MTMR14: variants seen among roughly 807,000 people sequenced by gnomAD.
MTMR14 encodes the protein phosphatidylinositol-3,5-bisphosphate 3-phosphatase MTMR14.
Under a neutral mutation model 86.3 loss-of-function variants are expected in MTMR14, and 48 were observed. The ratio of observed to expected loss-of-function variants is 0.56; its 90% CI spans 0.44 to 0.71. The LOEUF is 0.71. Among genes scored for constraint, MTMR14 ranks in the 30% least tolerant of loss-of-function variants. The pLI, the probability that MTMR14 is intolerant of heterozygous loss-of-function variation, is 0.00. For synonymous variants in MTMR14, 366 were observed against 326.1 expected, an observed-to-expected ratio of 1.12 and a Z score of -1.32; for missense variants, 780 against 834.6, an observed-to-expected ratio of 0.93 and a Z score of 0.81.
chr3:9,688,959 G>A lies in MTMR14; in HGVS notation c.1310G>A (p.Gly437Asp), dbSNP rs377445755. 6.2e-6 allele frequency: 10 copies of A among 1,613,938 alleles called. No individual in the cohort carries two copies. The highest frequency in any genetic ancestry group is 1.7e-5 in the Admixed American group (1 of 59,996). The change falls in exon 16 of 19, where the codon GGC becomes GAC. Residue 437 changes from glycine to aspartate, a missense_variant. Coordinates refer to ENST00000296003, the MANE Select transcript of MTMR14 (RefSeq NM_001077525.3). ...DICMLRRKDR[G>D]STTSLGSDFS... ...CTTCTTTTAGGACGAAAGGACCGTGGCAGCACCACCAGCCTTGGCAGCGAC... is the reference window on the plus strand; with the variant it reads ...CTTCTTTTAGGACGAAAGGACCGTGACAGCACCACCAGCCTTGGCAGCGAC...
intron 17 of MTMR14, among the ~76,000 whole-genome samples, chr3:9,694,502 T>TTGGATGGATGGA (rs60351585): frequency 1.3e-3 from 191 of 151,838 alleles, no homozygotes; most frequent in African/African-American, 3.8e-3. Context: ...GATAGATAGA[T>TTGGATGGATGGA]TGGATGGATG....
chr3:9,684,503 C>A, intron 10 of MTMR14, 82 bp from the exon 11 acceptor site: 1 of 1,401,794 alleles, frequency 7.1e-7, no homozygotes, highest in Non-Finnish European at 1.0e-6. Context: ...CTCCCTCCAC[C>A]AGGCCAAGCT....
intron 2 of MTMR14, among the ~76,000 whole-genome samples, chr3:9,656,351 G>C (rs767295530): frequency 1.3e-5 from 2 of 152,072 alleles, no homozygotes; most frequent in Non-Finnish European, 1.5e-5. Flanking sequence ...AAAGAATTGG[G>C]GTTTGTTATG....
chr3:9,665,098 A>G (rs1162129876), intron 3 of MTMR14, among the ~76,000 whole-genome samples: 2 of 152,134 alleles, frequency 1.3e-5, no homozygotes, highest in African/African-American at 4.8e-5. Flanking sequence ...CCTAGCCAAC[A>G]TAGTGAAACC....
At position 9,677,481 on chromosome 3, in the gene MTMR14, C is replaced by T; in HGVS notation, c.822+94C>T. 1.8e-6 allele frequency: 2 copies of T among 1,140,866 alleles called. No homozygotes were observed. The highest frequency in any genetic ancestry group is 2.7e-6 in the Non-Finnish European group (2 of 752,984). The allele number at this position is 1,140,866 out of a possible 1,614,324, so 70.7% of individuals were successfully genotyped here. A position where few individuals can be genotyped will look rare whatever the true frequency, so the allele number is the denominator to read the frequency against. ...AGCAGTCTTTGGGGAAAACAACAAG[C>T]AGTCTTTGGGGAAAATAACTCCCCT... On this transcript the variant is annotated intron_variant, in intron 8 of 18. Coordinates refer to ENST00000296003, the MANE Select transcript of MTMR14 (RefSeq NM_001077525.3). This position sits in a 1 kb window ranked among gnomAD's most constrained non-coding sequence, Gnocchi z 4.2.
In MTMR14 at chr3:9,675,761, C is replaced by T. The variant is rs1409172967; in HGVS notation, c.752-1556C>T. The T allele has an allele frequency of 2.0e-5, 9 of 454,530 alleles. No homozygotes were observed. The East Asian group carries it at 6.3e-4, about 32-fold the overall frequency. The allele number at this position is 454,530 out of a possible 1,614,324, so 28.2% of individuals were successfully genotyped here. A position where few individuals can be genotyped will look rare whatever the true frequency, so the allele number is the denominator to read the frequency against. On this transcript the variant is annotated intron_variant, in intron 7 of 18. Transcript: ENST00000296003. ...CTTCTGCATCATAGGCGGGTCTGAG[C>T]TCAGCCTGAGGCCTGCAGTGTTGAT...
intron 3 of MTMR14, among the ~76,000 whole-genome samples, chr3:9,664,154 AG>A (rs1574962977): frequency 6.6e-6 from 1 of 151,684 alleles, no homozygotes; most frequent in East Asian, 1.9e-4. Context: ...GTTGCACGGG[AG>A]ATACTCCAAC....
intron 1 of MTMR14, among the ~76,000 whole-genome samples, chr3:9,651,873 C>T (rs927448081): frequency 1.3e-5 from 2 of 151,688 alleles, no homozygotes; most frequent in African/African-American, 4.9e-5. Flanking sequence ...ACTCTGTCGC[C>T]CAGGCTGGAA....
In MTMR14 at chr3:9,688,992, T is replaced by G; in HGVS notation, c.1343T>G (p.Leu448Arg). Residue 448 changes from leucine (L) to arginine (R), a missense_variant, in exon 16 of 19, where the codon CTG becomes CGG. Coordinates refer to ENST00000296003, the MANE Select transcript of MTMR14 (RefSeq NM_001077525.3). ...ACCAGCCTTGGCAGCGACTTCTCCC[T>G]GGTCATGGAGAGTTCCCCAGGAGCC... ...STTSLGSDFSLVMESSPGATG... is the reference protein window; with the variant it reads ...STTSLGSDFSRVMESSPGATG... 1 of 1,614,032 alleles carries G rather than the reference T, an allele frequency of 6.2e-7. No homozygotes were observed. Among genetic ancestry groups the G allele is most frequent in the South Asian group, 1.1e-5 (1 of 91,092 alleles).
chr3:9,671,245 C>T lies in MTMR14; in HGVS notation c.677+75C>T, dbSNP rs543336816. 1.0e-3 allele frequency: 1,680 copies of T among 1,600,020 alleles called. 2 individuals are homozygous for T. The highest frequency in any genetic ancestry group is 1.3e-3 in the Non-Finnish European group (1,498 of 1,169,468). The stretch of plus-strand genomic sequence containing the variant: ...TTGCAGGGCTGGCGTTAGTATGTAG[C>T]TGTCACTGCGTGCTGGCCTTCTTAC... On this transcript the variant is annotated intron_variant, in intron 6 of 18. Coordinates refer to ENST00000296003, the MANE Select transcript of MTMR14 (RefSeq NM_001077525.3).
At chr3:9,664,985 G>T (rs559134067) in intron 3 of MTMR14, among the ~76,000 whole-genome samples, 2 of 152,246 alleles carry the variant, frequency 1.3e-5, no homozygotes, top group South Asian at 4.1e-4. Context: ...TGCGTGGTAT[G>T]CCTGTATCAA....
chr3:9,687,465 G>C (rs1305979980), intron 13 of MTMR14, among the ~76,000 whole-genome samples: 1 of 152,108 alleles, frequency 6.6e-6, no homozygotes, highest in East Asian at 1.9e-4. Flanking sequence ...TGAGGCAGGA[G>C]AGTGGCTTGA....
At chr3:9,669,221 G>C (rs1222428315) in intron 4 of MTMR14, among the ~76,000 whole-genome samples, 1 of 152,138 alleles carries the variant, frequency 6.6e-6, no homozygotes, top group African/African-American at 2.4e-5. Context: ...GAGATCAGGG[G>C]CCTTCCTTTG....
At chr3:9,693,087 C>G (rs911532847) in intron 17 of MTMR14, among the ~76,000 whole-genome samples, 2 of 152,182 alleles carry the variant, frequency 1.3e-5, no homozygotes, top group African/African-American at 4.8e-5. Context: ...TCAGCCTTGT[C>G]AGATGTTTTC....
chr3:9,652,220 G>A (rs1416861191), intron 1 of MTMR14, among the ~76,000 whole-genome samples: 1 of 152,170 alleles, frequency 6.6e-6, no homozygotes, highest in Non-Finnish European at 1.5e-5. Flanking sequence ...CCTCCTCGGT[G>A]CCTCCCAAAG....
intron 2 of MTMR14, among the ~76,000 whole-genome samples, chr3:9,661,197 A>G (rs17831600): frequency 0.017 from 2,551 of 152,186 alleles, 31 homozygotes; most frequent in Non-Finnish European, 0.02. Flanking sequence ...ACGTCATCTC[A>G]TTCTGCCCTC....
intron 7 of MTMR14, chr3:9,675,591 T>G (rs1392870700): frequency 8.7e-6 from 4 of 457,408 alleles, no homozygotes; most frequent in South Asian, 6.2e-5. Flanking sequence ...CTAATTTGTT[T>G]CCTCCTTGAG....
intron 1 of MTMR14, among the ~76,000 whole-genome samples, chr3:9,650,706 A>G (rs1031719905): frequency 6.6e-6 from 1 of 151,924 alleles, no homozygotes; most frequent in Non-Finnish European, 1.5e-5. Context: ...CTTATGGGAT[A>G]CTTTGTGAAA....
chr3:9,665,032 C>G (rs2048167033), intron 3 of MTMR14, among the ~76,000 whole-genome samples: 1 of 152,050 alleles, frequency 6.6e-6, no homozygotes. Context: ...GCCTGTAATC[C>G]CAGCACTTTG....
Sources: gnomAD v4.1 joint callset for allele counts (sites outside exome capture counted in the v4.1 genomes callset) on GRCh38, gnomAD v4.1.1 for gene constraint, Gnocchi (gnomAD v3.1) non-coding constraint, MANE v1.5 for transcripts, NCBI Gene and HGNC (gene_info 2026-07-23, HGNC 2026-07-21) for gene names.